PCDH9: variants seen among roughly 807,000 people sequenced by gnomAD.
PCDH9 encodes the protein protocadherin-9.
PCDH9 carries 24 observed loss-of-function variants against 70.6 expected under a neutral mutation model. The observed-to-expected ratio is 0.34, with a 90% CI of 0.25 to 0.48. The LOEUF (loss-of-function observed/expected upper bound fraction) is 0.48. Among genes scored for constraint, PCDH9 ranks in the 20% least tolerant of loss-of-function variants. The pLI, the probability that PCDH9 is intolerant of heterozygous loss-of-function variation, is 0.99. For missense variants in PCDH9, 1,281 were observed against 1,503.6 expected, an observed-to-expected ratio of 0.85 and a Z score of 2.45; for synonymous variants, 562 against 558.5, an observed-to-expected ratio of 1.01 and a Z score of -0.09.
intron 4 of PCDH9, among the ~76,000 whole-genome samples, chr13:66,322,578 C>T (rs563561923): frequency 6.6e-6 from 1 of 152,140 alleles, no homozygotes; most frequent in African/African-American, 2.4e-5. Context: ...GAATCAGGCA[C>T]AGGCCACATT....
intron 3 of PCDH9, among the ~76,000 whole-genome samples, chr13:66,697,322 T>C (rs1012133078): frequency 8.5e-5 from 13 of 152,068 alleles, no homozygotes; most frequent in African/African-American, 3.1e-4. Context: ...ATTTTCTTCA[T>C]TGTCCACCTC....
intron 2 of PCDH9, among the ~76,000 whole-genome samples, chr13:66,942,889 T>C (rs1348485822): frequency 6.6e-6 from 1 of 152,160 alleles, no homozygotes; most frequent in Non-Finnish European, 1.5e-5. Flanking sequence ...CCACAGATTC[T>C]GTGTTAAAAT....
chr13:66,502,648 G>GTTAAC (rs10642788), intron 4 of PCDH9, among the ~76,000 whole-genome samples: 149,292 of 152,108 alleles, frequency 0.98, 73,326 homozygotes, highest in South Asian at 1. Context: ...TGAAATAGCA[G>GTTAAC]TTAATGAAGA....
intron 3 of PCDH9, among the ~76,000 whole-genome samples, chr13:66,866,891 A>C (rs1294495300): frequency 6.6e-6 from 1 of 152,198 alleles, no homozygotes; most frequent in African/African-American, 2.4e-5. Flanking sequence ...ACATTTCTGA[A>C]ATACAGTAAG....
intron 4 of PCDH9, among the ~76,000 whole-genome samples, chr13:66,441,199 T>A (rs1457339544): frequency 6.6e-6 from 1 of 152,196 alleles, no homozygotes; most frequent in Non-Finnish European, 1.5e-5. Flanking sequence ...AAGTGAAGTG[T>A]GTTATCCGTA....
intron 3 of PCDH9, among the ~76,000 whole-genome samples, chr13:66,884,801 C>T (rs920205491): frequency 6.6e-6 from 1 of 152,086 alleles, no homozygotes; most frequent in African/African-American, 2.4e-5. Flanking sequence ...CAAAACATTA[C>T]TGCATGAAAG....
At chr13:66,911,057 T>A (rs920736649) in intron 2 of PCDH9, among the ~76,000 whole-genome samples, 3 of 152,236 alleles carry the variant, frequency 2.0e-5, no homozygotes, top group African/African-American at 7.2e-5. Flanking sequence ...GAATTTATTC[T>A]CCTTTTCTCA....
At chr13:66,908,234 TATCTAATGCAACAC>T (rs2082396775) in intron 2 of PCDH9, among the ~76,000 whole-genome samples, 1 of 152,202 alleles carries the variant, frequency 6.6e-6, no homozygotes, top group African/African-American at 2.4e-5. Flanking sequence ...TCTCAGTTCT[TATCTAATGCAACAC>T]AACTAAGTAC....
At chr13:66,786,078 T>G (rs985734216) in intron 3 of PCDH9, among the ~76,000 whole-genome samples, 2 of 152,148 alleles carry the variant, frequency 1.3e-5, no homozygotes, top group Non-Finnish European at 1.5e-5. Flanking sequence ...ATATCCATAC[T>G]CATACTGTTC....
intron 4 of PCDH9, among the ~76,000 whole-genome samples, chr13:66,504,966 T>C (rs755784872): frequency 6.6e-6 from 1 of 152,196 alleles, no homozygotes; most frequent in Non-Finnish European, 1.5e-5. Flanking sequence ...TTCAAAAACT[T>C]GGCTTCCAGG....
intron 3 of PCDH9, among the ~76,000 whole-genome samples, chr13:66,746,271 G>A (rs138249636): frequency 0.015 from 2,267 of 152,244 alleles, 67 homozygotes; most frequent in African/African-American, 0.052. Flanking sequence ...CTGAAAGTGT[G>A]TTTTAACTGA....
At chr13:66,724,910 G>A (rs1013909034) in intron 3 of PCDH9, among the ~76,000 whole-genome samples, 1 of 152,024 alleles carries the variant, frequency 6.6e-6, no homozygotes, top group Non-Finnish European at 1.5e-5. Flanking sequence ...GCCTCTTTTT[G>A]TTCTTATTTG....
At chr13:66,996,447 G>C (rs909002793) in intron 2 of PCDH9, among the ~76,000 whole-genome samples, 2 of 152,070 alleles carry the variant, frequency 1.3e-5, no homozygotes, top group African/African-American at 4.8e-5. Context: ...GGTGAGGTAG[G>C]CCTCACAGAG....
At chr13:67,002,727 T>A (rs2084269863) in intron 2 of PCDH9, among the ~76,000 whole-genome samples, 2 of 152,198 alleles carry the variant, frequency 1.3e-5, no homozygotes, top group Middle Eastern at 3.4e-3. Flanking sequence ...GAACTTCTTT[T>A]TTTCCTGTAA....
At position 66,616,397 on chromosome 13, in the gene PCDH9, G is replaced by A. The variant is rs568263716; in HGVS notation, c.3340+14813C>T. Among the ~76,000 whole-genome samples the A allele has an allele frequency of 9.7e-5, 6 of 61,628 alleles. No homozygotes were observed. The East Asian group carries it at 2.7e-3, about 28-fold the overall frequency. 40.4% of individuals were successfully genotyped at this position (61,628 alleles called of 152,430 possible). ...TTTTGCAAACCACTCATTCCTATCAGAAGTTTTTTTTTTTTTAACACATGA... is the reference window on the plus strand; with the variant it reads ...TTTTGCAAACCACTCATTCCTATCAAAAGTTTTTTTTTTTTTAACACATGA... On this transcript the variant is annotated intron_variant, in intron 4 of 4. Coordinates refer to ENST00000377865, the MANE Select transcript of PCDH9 (RefSeq NM_203487.3).
intron 2 of PCDH9, among the ~76,000 whole-genome samples, chr13:67,044,242 G>A (rs1428545223): frequency 6.6e-6 from 1 of 151,828 alleles, no homozygotes; most frequent in East Asian, 1.9e-4. Flanking sequence ...TCAATCGAGA[G>A]AAAAATGGAA....
Position 66,387,559 on chromosome 13 carries a change from A to G in PCDH9, c.3341-82531T>C, listed in dbSNP as rs539168951. 4.0e-5 allele frequency among the ~76,000 whole-genome samples: 6 copies of G among 151,596 alleles called. No homozygotes were observed. In the East Asian group the frequency reaches 5.8e-4, roughly 15 times the overall value. On this transcript the variant is annotated intron_variant, in intron 4 of 4. Coordinates refer to ENST00000377865, the MANE Select transcript of PCDH9 (RefSeq NM_203487.3). ...ATCTGGTGGTAAAAAAAAAAAAAAA[A>G]AAAGTCCAGCACCTTCCTCCTTTCT...
intron 3 of PCDH9, among the ~76,000 whole-genome samples, chr13:66,762,122 C>T (rs2079638683): frequency 6.6e-6 from 1 of 151,992 alleles, no homozygotes; most frequent in African/African-American, 2.4e-5. Context: ...TAGGTAATGC[C>T]CTTCCCTCAG....
At position 66,452,185 on chromosome 13, in the gene PCDH9, G is replaced by A. The variant is rs978945408; in HGVS notation, c.3341-147157C>T. The stretch of plus-strand genomic sequence containing the variant: ...AGAAGCATGTAGGTAAATACTGAGA[G>A]AGGAAAATGCTTTTTGAGGAGAGGA... On this transcript the variant is annotated intron_variant, in intron 4 of 4. Transcript: ENST00000377865. Among the ~76,000 whole-genome samples the A allele has an allele frequency of 5.9e-5, 9 of 152,166 alleles. No individual in the cohort carries two copies. The East Asian group carries it at 1.7e-3, about 29-fold the overall frequency.
Sources: allele counts gnomAD v4.1 joint callset (sites outside exome capture counted in the v4.1 genomes callset), GRCh38; gene constraint gnomAD v4.1.1; transcripts MANE v1.5; gene names NCBI Gene and HGNC (gene_info 2026-07-23, HGNC 2026-07-21).